Variants in HS6ST3 observed in about 807,000 individuals in gnomAD.
The protein encoded by HS6ST3 is heparan sulfate 6-O-sulfotransferase 3.
HS6ST3 carries 12 observed loss-of-function variants against 36.7 expected under a neutral mutation model. The ratio of observed to expected loss-of-function variants is 0.33; its 90% CI spans 0.21 to 0.53. HS6ST3 has a LOEUF of 0.53. HS6ST3 is among the 20% of genes least tolerant of loss of function. The pLI is 0.95. For missense variants in HS6ST3, 584 were observed against 640.9 expected, an observed-to-expected ratio of 0.91 and a Z score of 0.96; for synonymous variants, 240 against 257.5, an observed-to-expected ratio of 0.93 and a Z score of 0.65.
At chr13:96,807,497 G>A (rs999213421) in intron 1 of HS6ST3, among the ~76,000 whole-genome samples, 3 of 152,128 alleles carry the variant, frequency 2.0e-5, no homozygotes, top group East Asian at 1.9e-4. Context: ...CATATGAAAC[G>A]AAGGCAGAGA....
intron 1 of HS6ST3, among the ~76,000 whole-genome samples, chr13:96,462,236 G>A (rs2055788084): frequency 6.6e-6 from 1 of 152,048 alleles, no homozygotes; most frequent in South Asian, 2.1e-4. Context: ...TGCCAGACTA[G>A]TTTTTAAAGT....
chr13:96,096,318 T>C (rs1314772324), intron 1 of HS6ST3, among the ~76,000 whole-genome samples: 1 of 152,112 alleles, frequency 6.6e-6, no homozygotes, highest in Non-Finnish European at 1.5e-5. Context: ...AATTTATAAC[T>C]GTCTAAAAAG....
chr13:96,449,879 A>T (rs76797129), intron 1 of HS6ST3, among the ~76,000 whole-genome samples: 3,514 of 152,304 alleles, frequency 0.023, 160 homozygotes, highest in African/African-American at 0.079. Flanking sequence ...TGATGATAGA[A>T]TTTAAAAGTT....
intron 1 of HS6ST3, among the ~76,000 whole-genome samples, chr13:96,653,776 A>G (rs904981299): frequency 5.3e-5 from 8 of 152,200 alleles, no homozygotes; most frequent in Admixed American, 2.0e-4. Flanking sequence ...TCCTTAAGGA[A>G]TCGCCACACT....
Position 96,091,076 on chromosome 13 carries a change from C to T in HS6ST3, c.214C>T (p.Pro72Ser), listed in dbSNP as rs1330631202. The change falls in exon 1 of 2, where the codon CCC becomes TCC. Residue 72 changes from proline to serine, a missense_variant. Pro to Ser is a moderately conservative substitution (Grantham distance 74). This residue lies in a region of HS6ST3 where 217 missense variants were observed against 205.4 expected (regional missense o/e 1.06). Transcript: ENST00000376705. ...GGAGTGGGAGCGGCGGCCCCAGTTG[C>T]CCCCGCCGCCCCGGGGGCCCCCCGA... ...PEEWERRPQL[P>S]PPPRGPPEGP... 7.0e-6 allele frequency: 9 copies of T among 1,290,458 alleles called. No homozygotes were observed. Among genetic ancestry groups the T allele is most frequent in the East Asian group, 3.1e-5 (1 of 31,968 alleles). 79.9% of individuals were successfully genotyped at this position (1,290,458 alleles called of 1,614,324 possible).
At chr13:96,326,248 A>C (rs2055030778) in intron 1 of HS6ST3, among the ~76,000 whole-genome samples, 1 of 151,136 alleles carries the variant, frequency 6.6e-6, no homozygotes, top group Non-Finnish European at 1.5e-5. Flanking sequence ...ACATATGTAT[A>C]CATGTGCCAT....
chr13:96,353,559 T>A (rs2055195187), intron 1 of HS6ST3, among the ~76,000 whole-genome samples: 1 of 140,960 alleles, frequency 7.1e-6, no homozygotes, highest in Non-Finnish European at 1.6e-5. Context: ...GTTACCAAAC[T>A]TTTTTTTTTT....
chr13:96,191,153 G>T (rs1185464221), intron 1 of HS6ST3, among the ~76,000 whole-genome samples: 1 of 152,116 alleles, frequency 6.6e-6, no homozygotes, highest in Non-Finnish European at 1.5e-5. Flanking sequence ...CATTATCACT[G>T]CTACTTCCTC....
chr13:96,145,361 T>A (rs1352060860), intron 1 of HS6ST3, among the ~76,000 whole-genome samples: 2 of 150,978 alleles, frequency 1.3e-5, no homozygotes, highest in East Asian at 3.9e-4. Context: ...TGGTGTGAGA[T>A]GGTATCTCAT....
At chr13:96,806,787 C>G (rs943996589) in intron 1 of HS6ST3, among the ~76,000 whole-genome samples, 13 of 152,192 alleles carry the variant, frequency 8.5e-5, no homozygotes, top group Non-Finnish European at 1.8e-4. Context: ...TTAATGTTGA[C>G]TATTCAATTG....
intron 1 of HS6ST3, among the ~76,000 whole-genome samples, chr13:96,519,850 A>T (rs1169033684): frequency 6.6e-6 from 1 of 152,210 alleles, no homozygotes; most frequent in East Asian, 1.9e-4. Context: ...ATGCTAAATT[A>T]TAGGTATATA....
intron 1 of HS6ST3, among the ~76,000 whole-genome samples, chr13:96,617,407 A>T (rs1345555230): frequency 6.6e-6 from 1 of 152,192 alleles, no homozygotes; most frequent in Non-Finnish European, 1.5e-5. Context: ...ATAGTTTTAA[A>T]CTGTGCAATA....
chr13:96,835,545 G>A lies in HS6ST3; in HGVS notation c.*2347G>A, dbSNP rs1878904465. The A allele has an allele frequency of 6.6e-6, 1 of 150,886 alleles. No individual in the cohort carries two copies. The highest frequency in any genetic ancestry group is 6.6e-5 in the Admixed American group (1 of 15,138). 9.3% of individuals were successfully genotyped at this position (150,886 alleles called of 1,614,324 possible). ...TCTCTAGCTTCTCATCTCATTGTTA[G>A]GATCTAATGTTCTGCCTAGAATAGC... On this transcript the variant is annotated 3_prime_UTR_variant, in exon 2 of 2. Transcript: ENST00000376705.
intron 1 of HS6ST3, among the ~76,000 whole-genome samples, chr13:96,365,440 A>C (rs1449467561): frequency 1.3e-5 from 2 of 152,250 alleles, no homozygotes; most frequent in Non-Finnish European, 2.9e-5. Flanking sequence ...TACAAATATT[A>C]GTCTTGATCA....
intron 1 of HS6ST3, among the ~76,000 whole-genome samples, chr13:96,645,723 A>T (rs2056586296): frequency 6.6e-6 from 1 of 151,864 alleles, no homozygotes; most frequent in Non-Finnish European, 1.5e-5. Flanking sequence ...CTTAGGAATG[A>T]TGGCTCATCT....
At chr13:96,592,867 C>T (rs1287926340) in intron 1 of HS6ST3, among the ~76,000 whole-genome samples, 1 of 152,042 alleles carries the variant, frequency 6.6e-6, no homozygotes, top group Non-Finnish European at 1.5e-5. Flanking sequence ...GACCCTTTCT[C>T]TATCCTTGAC....
chr13:96,107,750 T>A (rs909263671), intron 1 of HS6ST3, among the ~76,000 whole-genome samples: 1 of 152,200 alleles, frequency 6.6e-6, no homozygotes, highest in Admixed American at 6.5e-5. Context: ...ATTTATAATT[T>A]CTTACGCCTG....
chr13:96,817,356 G>A (rs1048147067), intron 1 of HS6ST3, among the ~76,000 whole-genome samples: 2 of 152,174 alleles, frequency 1.3e-5, no homozygotes, highest in African/African-American at 4.8e-5. Context: ...TTTCAGCTTT[G>A]ACTTACAATC....
At chr13:96,720,763 A>C (rs1875828350) in intron 1 of HS6ST3, among the ~76,000 whole-genome samples, 1 of 152,230 alleles carries the variant, frequency 6.6e-6, no homozygotes, top group Non-Finnish European at 1.5e-5. Context: ...TAATCCTTGT[A>C]TCTTGATAGG....
Sources: gnomAD v4.1 joint callset for allele counts (sites outside exome capture counted in the v4.1 genomes callset) on GRCh38, gnomAD v4.1.1 for gene constraint, gnomAD v4.1.1 regional missense constraint, MANE v1.5 for transcripts, NCBI Gene and HGNC (gene_info 2026-07-23, HGNC 2026-07-21) for gene names.